The following GNL3L variants were observed in gnomAD, a reference collection of about 807,000 sequenced individuals.
The protein encoded by GNL3L is G protein nucleolar 3 like, also known as guanine nucleotide-binding protein-like 3-like protein.
A neutral mutation model predicts 42.9 loss-of-function variants in GNL3L; 4 were observed. That is an observed-to-expected ratio of 0.09 (90% CI 0.05 to 0.21). The LOEUF is 0.21. GNL3L is among the 10% of genes least tolerant of loss of function. The probability of loss-of-function intolerance (pLI) is 1.00; values close to 1 mark genes in which losing one functional copy is unlikely to be tolerated. For missense variants in GNL3L, 412 were observed against 481.7 expected (o/e 0.86, Z 1.36); for synonymous variants, 159 against 176.3 (o/e 0.90, Z 0.78).
rs150557742 is a variant in GNL3L, at chrX:54,605,222, T to C, written c.*46-15623T>C. Among the ~76,000 whole-genome samples the C allele has an allele frequency of 7.6e-3, 854 of 111,738 alleles. 3 individuals are homozygous for C. The highest frequency in any genetic ancestry group is 0.026 in the African/African-American group (812 of 30,747). On this transcript the variant is annotated intron_variant, in intron 16 of 16. Transcript: ENST00000674498. ...TTTGCATACATAAATAAAGACACAG[T>C]CAAAATCCCTTATTGAAGCCTAATT...
At chrX:54,607,078 CTTTCTTCTTTCTTTCT>C (rs1569542631) in intron 16 of GNL3L, among the ~76,000 whole-genome samples, 9 of 27,321 alleles carry the variant, frequency 3.3e-4, no homozygotes, top group African/African-American at 6.9e-4. Flanking sequence ...CTTTCTCTTT[CTTTCTTCTTTCTTTCT>C]TTCTTTCTTT....
At chrX:54,613,409 C>T (rs1379923895) in intron 16 of GNL3L, among the ~76,000 whole-genome samples, 2 of 111,515 alleles carry the variant, frequency 1.8e-5, no homozygotes, top group African/African-American at 3.3e-5. Flanking sequence ...AGCTTAATAA[C>T]TAACCTCCTG....
At chrX:54,552,463 C>T in intron 13 of GNL3L, 35 bp downstream of exon 13, 1 of 1,179,072 alleles carries the variant, frequency 8.5e-7, no homozygotes, top group South Asian at 1.8e-5. Flanking sequence ...CTTGGTCTTG[C>T]ACTAGTGGGG....
At position 54,530,301 on chromosome X, in the gene GNL3L, G is replaced by A. The variant is rs1046373593; in HGVS notation, c.-166G>A. 3 of 110,340 alleles carry A rather than the reference G, an allele frequency of 2.7e-5. No homozygotes were observed. In the Admixed American group the frequency reaches 2.9e-4, roughly 11 times the overall value. 9.1% of individuals were successfully genotyped at this position (110,340 alleles called of 1,213,427 possible). A position where few individuals can be genotyped will look rare whatever the true frequency, so the allele number is the denominator to read the frequency against. ...CTCGCTTCTCAGATCCCCGCCGGAA[G>A]TGTAAGTAAGAAACTTCTCTCCTCT... is the stretch of plus-strand genomic sequence containing the variant. On this transcript the variant is annotated 5_prime_UTR_variant, in exon 1 of 16. The change creates a new upstream start codon in the 5' untranslated region. Transcript: ENST00000360845.
At chrX:54,617,329 T>C (rs1482347964) in intron 16 of GNL3L, among the ~76,000 whole-genome samples, 1 of 111,914 alleles carries the variant, frequency 8.9e-6, no homozygotes, top group African/African-American at 3.3e-5. Flanking sequence ...CTTGAATGAG[T>C]TGTTCACACT....
chrX:54,534,373 A>G (rs758173944), intron 2 of GNL3L, among the ~76,000 whole-genome samples: 4 of 110,914 alleles, frequency 3.6e-5, no homozygotes, highest in South Asian at 3.8e-4. Context: ...AGCTTGGACA[A>G]TTGATCCCAG....
intron 4 of GNL3L, among the ~76,000 whole-genome samples, 164 bp from the exon 5 acceptor site, chrX:54,541,109 T>C (rs772117361): frequency 1.3e-4 from 15 of 111,653 alleles, no homozygotes; most frequent in Non-Finnish European, 2.4e-4. Flanking sequence ...ATCTCTCTTT[T>C]TCTTCTTCTC....
intron 16 of GNL3L, among the ~76,000 whole-genome samples, chrX:54,614,678 C>T (rs866530643): frequency 7.2e-5 from 8 of 111,489 alleles, no homozygotes; most frequent in Non-Finnish European, 1.1e-4. Context: ...GTCCTGCAAA[C>T]AGAACTTCAG....
At chrX:54,567,668 T>C (rs932444398), downstream of GNL3L, among the ~76,000 whole-genome samples, 1 of 107,336 alleles carries the variant, frequency 9.3e-6, no homozygotes, top group Admixed American at 1.0e-4. Flanking sequence ...AAAAGAATGG[T>C]GAGCACAGGC....
chrX:54,635,852 T>C, the GNL3L span, among the ~76,000 whole-genome samples: 647 of 111,170 alleles, frequency 5.8e-3, 6 homozygotes, highest in African/African-American at 0.021. Flanking sequence ...GCACTAAGCA[T>C]AGGACTCAGC....
At chrX:54,607,145 C>CTTTCTTTCTTTG (rs1926108474) in intron 16 of GNL3L, among the ~76,000 whole-genome samples, 1 of 85,172 alleles carries the variant, frequency 1.2e-5, no homozygotes, top group African/African-American at 4.4e-5. Context: ...TTCTTTGTCT[C>CTTTCTTTCTTTG]TCTCTCTCTC....
At chrX:54,627,742 T>G in the GNL3L span, among the ~76,000 whole-genome samples, 1 of 112,420 alleles carries the variant, frequency 8.9e-6, no homozygotes, top group Admixed American at 9.4e-5. Flanking sequence ...AAAACTTTTC[T>G]TCTTAATTTA....
chrX:54,546,225 G>A (rs1042090998), intron 8 of GNL3L, among the ~76,000 whole-genome samples: 2 of 112,205 alleles, frequency 1.8e-5, no homozygotes, highest in African/African-American at 6.5e-5. Context: ...AGGGAATACT[G>A]TTTGGAAGTA....
the GNL3L span, among the ~76,000 whole-genome samples, chrX:54,630,867 C>T: frequency 1.9e-5 from 2 of 104,553 alleles, no homozygotes; most frequent in African/African-American, 7.1e-5. Flanking sequence ...GAGTGCAGGG[C>T]ACAATATTGG....
the GNL3L span, among the ~76,000 whole-genome samples, chrX:54,639,027 C>T: frequency 9.0e-6 from 1 of 111,466 alleles, no homozygotes; most frequent in African/African-American, 3.3e-5. Context: ...GTAGGTGATC[C>T]GCATACACTT....
intron 4 of GNL3L, 71 bp from the exon 5 acceptor site, chrX:54,541,202 G>C: frequency 1.4e-6 from 1 of 700,657 alleles, no homozygotes. Flanking sequence ...CATTTCCTCT[G>C]TCTGTCACCC....
Position 54,534,178 on chromosome X carries a change from G to GT in GNL3L, c.19+1607dup, listed in dbSNP as rs61357185. Among the ~76,000 whole-genome samples the GT allele has an allele frequency of 5.5e-3, 535 of 96,942 alleles. 4 individuals carry two copies. The highest frequency in any genetic ancestry group is 0.03 in the Admixed American group (274 of 8,986). The allele number at this position is 96,942 out of a possible 115,157, so 84.2% of individuals were successfully genotyped here. ...TTACAGGCGTGAGCTACCACACCTG[G>GT]TTTTTTTTTTTTTTCTTTTTAACAA... On this transcript the variant is annotated intron_variant, in intron 2 of 15. Transcript: ENST00000360845.
intron 13 of GNL3L, among the ~76,000 whole-genome samples, chrX:54,552,635 G>T (rs912580449): frequency 2.7e-5 from 3 of 111,961 alleles, no homozygotes; most frequent in African/African-American, 9.7e-5. Flanking sequence ...GAGGGTGGTT[G>T]TGAGCTTTTG....
the GNL3L span, among the ~76,000 whole-genome samples, chrX:54,627,901 A>G: frequency 9.1e-6 from 1 of 110,372 alleles, no homozygotes; most frequent in Admixed American, 9.7e-5. Flanking sequence ...GTTTGGTTAC[A>G]TAGATAAGTT....
Sources: allele counts gnomAD v4.1 joint callset (sites outside exome capture counted in the v4.1 genomes callset), GRCh38; gene constraint gnomAD v4.1.1; transcripts MANE v1.5; gene names NCBI Gene and HGNC (gene_info 2026-07-23, HGNC 2026-07-21).